NCOR2: variants seen among roughly 807,000 people sequenced by gnomAD.
NCOR2 encodes the protein CTG repeat protein 26.
In NCOR2, 81 loss-of-function variants were observed where a neutral mutation model predicts 262.9. That is an observed-to-expected ratio of 0.31 (90% CI 0.26 to 0.37). NCOR2 has a LOEUF of 0.37. Among genes scored for constraint, NCOR2 ranks in the 10% least tolerant of loss-of-function variants. The probability of loss-of-function intolerance (pLI) is 1.00; values close to 1 mark genes in which losing one functional copy is unlikely to be tolerated. For synonymous variants in NCOR2, 1,659 were observed against 1,559.3 expected (o/e 1.06, Z -1.51); for missense variants, 3,385 against 3,621.4 (o/e 0.93, Z 1.68).
intron 13 of NCOR2, among the ~76,000 whole-genome samples, chr12:124,416,869 T>C (rs915975695): frequency 2.1e-4 from 30 of 145,454 alleles, no homozygotes; most frequent in African/African-American, 4.4e-4. Flanking sequence ...GTGGCACAGA[T>C]AGACCCGCCG....
At chr12:124,355,111 C>A in intron 24 of NCOR2, 172 bp from the exon 27 acceptor site, 1 of 635,474 alleles carries the variant, frequency 1.6e-6, no homozygotes, top group Non-Finnish European at 2.7e-6. Flanking sequence ...GCCCCCTCCC[C>A]TGTGAAGGGG....
chr12:124,405,295 G>A (rs1421752827), intron 13 of NCOR2, among the ~76,000 whole-genome samples: 1 of 152,218 alleles, frequency 6.6e-6, no homozygotes, highest in Admixed American at 6.5e-5. Context: ...GAGGCACCGA[G>A]TGCAATCCTG....
At chr12:124,355,979 C>T (rs2037921744) in intron 23 of NCOR2, among the ~76,000 whole-genome samples, 1 of 152,224 alleles carries the variant, frequency 6.6e-6, no homozygotes, top group South Asian at 2.1e-4. Context: ...AAGTCTTAGC[C>T]CCCGACTTGG....
chr12:124,358,715 G>T (rs1282729239), intron 22 of NCOR2, among the ~76,000 whole-genome samples: 1 of 152,270 alleles, frequency 6.6e-6, no homozygotes, highest in Non-Finnish European at 1.5e-5. Context: ...AGCAGCGGTT[G>T]TGCGCTGGCT....
chr12:124,433,152 G>T (rs1453000331), intron 8 of NCOR2, among the ~76,000 whole-genome samples: 1 of 152,210 alleles, frequency 6.6e-6, no homozygotes, highest in South Asian at 2.1e-4. Flanking sequence ...GCTGGTGCTG[G>T]GTGGCCCAGA....
intron 7 of NCOR2, among the ~76,000 whole-genome samples, chr12:124,446,801 AT>A (rs1387506403): frequency 6.6e-6 from 1 of 152,236 alleles, no homozygotes; most frequent in East Asian, 1.9e-4. Flanking sequence ...AAAAACTAAA[AT>A]TATTAGGACA....
In NCOR2 at chr12:124,504,892, C is replaced by T. The variant is rs79428329; in HGVS notation, c.-117-9524G>A. On this transcript the variant is annotated intron_variant, in intron 1 of 46. Coordinates refer to the NCOR2 transcript ENST00000404621. This position sits in a 1 kb window ranked among gnomAD's most constrained non-coding sequence, Gnocchi z 4.5. ...GTGGGGAGGGAGGAGAGGGGAGTGA[C>T]GGTTTAATGGGTTTGGGGTTTCCTT... Among the ~76,000 whole-genome samples the T allele has an allele frequency of 2.2e-4, 33 of 152,246 alleles. No homozygotes were observed. The East Asian group carries it at 4.4e-3, about 20-fold the overall frequency.
At chr12:124,430,007 G>A (rs572220926) in intron 9 of NCOR2, among the ~76,000 whole-genome samples, 2 of 152,222 alleles carry the variant, frequency 1.3e-5, no homozygotes, top group African/African-American at 2.4e-5. Flanking sequence ...GCCCTGGGCC[G>A]AAGTGTTTCT....
upstream of NCOR2, chr12:124,539,604 C>G (rs755308842): frequency 6.6e-6 from 1 of 152,488 alleles, no homozygotes; most frequent in Non-Finnish European, 1.5e-5. This position sits in a 1 kb window ranked among gnomAD's most constrained non-coding sequence, Gnocchi z 5.1. Context: ...CCCGGCAAAG[C>G]AGATGCACGG....
In NCOR2 at chr12:124,445,160, G is replaced by A. The variant is rs115554996; in HGVS notation, c.815+4655C>T. Among the ~76,000 whole-genome samples the A allele has an allele frequency of 9.2e-3, 1,400 of 152,326 alleles. 27 individuals are homozygous for A. The highest frequency in any genetic ancestry group is 0.032 in the African/African-American group (1,328 of 41,564). ...GGCCGGTGAACCAGGGCAACCCCCG[G>A]GCAGGCAGAGGCAGAATGTGCCTGA... On this transcript the variant is annotated intron_variant, in intron 7 of 46. Transcript: ENST00000405201.
At chr12:124,451,952 G>C (rs2045573772) in intron 6 of NCOR2, among the ~76,000 whole-genome samples, 2 of 150,792 alleles carry the variant, frequency 1.3e-5, no homozygotes, top group African/African-American at 4.9e-5. Context: ...TCCCCTCCTA[G>C]AGAATTCACC....
intron 10 of NCOR2, among the ~76,000 whole-genome samples, chr12:124,427,379 G>T (rs976295589): frequency 6.6e-6 from 1 of 152,166 alleles, no homozygotes; most frequent in African/African-American, 2.4e-5. Context: ...GGAGTCAGGC[G>T]GCCGCTCCTA....
intron 29 of NCOR2, 59 bp downstream of exon 31, chr12:124,348,115 C>T: frequency 1.3e-6 from 2 of 1,599,118 alleles, no homozygotes; most frequent in South Asian, 1.1e-5. Context: ...ACGGGGTCAG[C>T]CATCCCCCCA....
intron 21 of NCOR2, among the ~76,000 whole-genome samples, chr12:124,362,974 T>TGGA (rs1593222234): frequency 6.6e-6 from 1 of 152,206 alleles, no homozygotes; most frequent in East Asian, 1.9e-4. Flanking sequence ...GGAGCCCACC[T>TGGA]CCCAAAAAGC....
intron 1 of NCOR2, among the ~76,000 whole-genome samples, chr12:124,515,627 G>A (rs1391451887): frequency 6.8e-6 from 1 of 146,088 alleles, no homozygotes; most frequent in African/African-American, 2.5e-5. Context: ...ATGGGTGTGT[G>A]TGCACGACTG....
At chr12:124,408,782 A>G (rs34777431) in intron 13 of NCOR2, among the ~76,000 whole-genome samples, 9,537 of 152,230 alleles carry the variant, frequency 0.063, 392 homozygotes, top group South Asian at 0.16. Context: ...AAAGAAAGAA[A>G]GCGAAGGTTA....
upstream of NCOR2, among the ~76,000 whole-genome samples, chr12:124,497,605 G>A (rs2048443553): frequency 6.6e-6 from 1 of 152,226 alleles, no homozygotes; most frequent in Admixed American, 6.5e-5. This position sits in a 1 kb window ranked among gnomAD's most constrained non-coding sequence, Gnocchi z 4.2. Context: ...GAATAAATAG[G>A]AAGGCATCGG....
rs1402406017 is a variant in NCOR2, at chr12:124,486,442, G to A, written c.232C>T (p.Arg78Trp). 12 of 1,612,514 alleles carry A rather than the reference G, an allele frequency of 7.4e-6. No individual in the cohort carries two copies. Among genetic ancestry groups the A allele is most frequent in the African/African-American group, 2.7e-5 (2 of 75,018 alleles). The change falls in exon 2 of 47, where the codon CGG (arginine) becomes TGG (tryptophan). Residue 78 changes from arginine (R) to tryptophan (W), a missense_variant and splice_region_variant. Coordinates refer to ENST00000405201, the Ensembl canonical transcript of NCOR2. ...GGGAGGCAGCAACTCTCTCCTCACC[G>A]TTCATTCCCGGGCTGGAACTCAGAC...
chr12:124,449,773 C>T (rs751929705), intron 7 of NCOR2, 42 bp downstream of exon 9: 5 of 1,609,594 alleles, frequency 3.1e-6, no homozygotes. Context: ...TGCTCGCCCA[C>T]CCTGCCTCTG....
Sources: gnomAD v4.1 joint callset for allele counts (sites outside exome capture counted in the v4.1 genomes callset) on GRCh38, gnomAD v4.1.1 for gene constraint, Gnocchi (gnomAD v3.1) non-coding constraint, MANE v1.5 for transcripts, NCBI Gene and HGNC (gene_info 2026-07-23, HGNC 2026-07-21) for gene names.